The following ADAM12 variants were observed in gnomAD, a reference collection of about 807,000 sequenced individuals.
ADAM12 encodes ADAM metallopeptidase domain 12, also known as disintegrin and metalloproteinase domain-containing protein 12.
Under a neutral mutation model 106.4 loss-of-function variants are expected in ADAM12, and 70 were observed. The ratio of observed to expected loss-of-function variants is 0.66; its 90% CI spans 0.54 to 0.80. The LOEUF (loss-of-function observed/expected upper bound fraction) is 0.80, where lower values mean the gene tolerates loss of function less well. ADAM12 is among the 30% of genes least tolerant of loss of function. The probability of loss-of-function intolerance (pLI) is 0.00; values close to 1 mark genes in which losing one functional copy is unlikely to be tolerated. For missense variants in ADAM12, 1,010 were observed against 1,171.9 expected, an observed-to-expected ratio of 0.86 and a Z score of 2.02; for synonymous variants, 420 against 433.5, an observed-to-expected ratio of 0.97 and a Z score of 0.39.
intron 3 of ADAM12, among the ~76,000 whole-genome samples, chr10:126,229,678 A>G (rs1278749967): frequency 9.0e-6 from 1 of 111,624 alleles, no homozygotes. Flanking sequence ...TATTCTCTTT[A>G]TCTCTCCCGC....
chr10:126,075,624 C>T (rs967649058), intron 11 of ADAM12, among the ~76,000 whole-genome samples: 2 of 152,114 alleles, frequency 1.3e-5, no homozygotes, highest in African/African-American at 4.8e-5. Flanking sequence ...GGAAACCTCA[C>T]CAGTAAGAGG....
intron 3 of ADAM12, among the ~76,000 whole-genome samples, chr10:126,187,742 C>T (rs1459830453): frequency 2.0e-5 from 3 of 152,206 alleles, no homozygotes; most frequent in Non-Finnish European, 4.4e-5. Context: ...GCACAGCACG[C>T]TGGCCACAGT....
At chr10:126,236,741 A>T (rs997090883) in intron 3 of ADAM12, among the ~76,000 whole-genome samples, 9 of 151,882 alleles carry the variant, frequency 5.9e-5, no homozygotes, top group African/African-American at 2.2e-4. Context: ...CACAGGAAGG[A>T]GCACCTACAG....
chr10:126,229,940 C>G (rs1199853770), intron 3 of ADAM12, among the ~76,000 whole-genome samples: 3 of 133,990 alleles, frequency 2.2e-5, no homozygotes, highest in Non-Finnish European at 3.5e-5. Context: ...TGCAGGTGCT[C>G]AACGAGTTGT....
chr10:126,268,732 G>C (rs146119493), intron 3 of ADAM12, among the ~76,000 whole-genome samples: 1 of 152,102 alleles, frequency 6.6e-6, no homozygotes, highest in Non-Finnish European at 1.5e-5. Flanking sequence ...TCAAGATAAC[G>C]AGTTTGAAGT....
chr10:126,028,755 C>T (rs1953922718), intron 21 of ADAM12, among the ~76,000 whole-genome samples: 1 of 152,058 alleles, frequency 6.6e-6, no homozygotes, highest in Admixed American at 6.6e-5. Context: ...GAAAAGATTT[C>T]ATGACAACAT....
intron 3 of ADAM12, among the ~76,000 whole-genome samples, chr10:126,165,384 G>A (rs1054767116): frequency 6.6e-6 from 1 of 152,236 alleles, no homozygotes; most frequent in African/African-American, 2.4e-5. Flanking sequence ...GGCCAGACTG[G>A]TCTTGAACTC....
At chr10:126,282,750 T>G (rs963867320) in intron 2 of ADAM12, among the ~76,000 whole-genome samples, 1 of 152,142 alleles carries the variant, frequency 6.6e-6, no homozygotes, top group Non-Finnish European at 1.5e-5. Context: ...CAACCCTTTT[T>G]GCTCTTAAAA....
chr10:126,022,541 G>T (rs1309727311), intron 21 of ADAM12, among the ~76,000 whole-genome samples: 1 of 152,240 alleles, frequency 6.6e-6, no homozygotes, highest in South Asian at 2.1e-4. Context: ...GCATGGAGGT[G>T]TGGAACCCAT....
rs573283363 is a variant in ADAM12, at chr10:126,147,600, G to A, written c.339+7627C>T. ...GTAAAACTCAGCATCAGCCTGGAAC[G>A]TTTCTCCTCCTGTCCCCTGGTTCAT... On this transcript the variant is annotated intron_variant, in intron 4 of 22. Transcript: ENST00000448723. 7.9e-5 allele frequency among the ~76,000 whole-genome samples: 12 copies of A among 152,266 alleles called. No individual in the cohort carries two copies. The South Asian group carries it at 8.3e-4, about 10-fold the overall frequency.
At chr10:126,114,391 A>G (rs938859151) in intron 6 of ADAM12, among the ~76,000 whole-genome samples, 1 of 152,232 alleles carries the variant, frequency 6.6e-6, no homozygotes, top group Non-Finnish European at 1.5e-5. Context: ...CCACACCTGG[A>G]AAACTGGAGC....
intron 2 of ADAM12, among the ~76,000 whole-genome samples, chr10:126,303,951 T>C (rs1279695648): frequency 1.3e-5 from 2 of 152,220 alleles, no homozygotes; most frequent in Non-Finnish European, 1.5e-5. Flanking sequence ...ATACTATAAA[T>C]TTCACAGTCT....
intron 17 of ADAM12, among the ~76,000 whole-genome samples, chr10:126,044,029 G>C (rs1565007390): frequency 6.6e-6 from 1 of 152,222 alleles, no homozygotes; most frequent in Non-Finnish European, 1.5e-5. Flanking sequence ...TCCCAAGCCT[G>C]TCCATGCTGG....
intron 1 of ADAM12, among the ~76,000 whole-genome samples, chr10:126,365,588 G>A (rs575337591): frequency 2.4e-4 from 36 of 152,266 alleles, no homozygotes; most frequent in Admixed American, 2.1e-3. Context: ...GGTGACGAAA[G>A]CCACCTTCTT....
intron 3 of ADAM12, among the ~76,000 whole-genome samples, chr10:126,271,210 G>A (rs1396176381): frequency 6.6e-6 from 1 of 152,168 alleles, no homozygotes; most frequent in African/African-American, 2.4e-5. Context: ...TCCTTTTCCA[G>A]GGTTCTCTAT....
At chr10:126,222,603 G>A (rs1236630470) in intron 3 of ADAM12, among the ~76,000 whole-genome samples, 2 of 151,732 alleles carry the variant, frequency 1.3e-5, no homozygotes, top group African/African-American at 4.8e-5. Context: ...GGGTCCTTTG[G>A]TGGCTCTGAT....
chr10:126,260,223 C>T (rs1223107792), intron 3 of ADAM12, among the ~76,000 whole-genome samples: 1 of 152,230 alleles, frequency 6.6e-6, no homozygotes, highest in African/African-American at 2.4e-5. Flanking sequence ...GACCGGGAGC[C>T]AGCGCTTCAC....
Position 126,071,397 on chromosome 10 carries a change from C to G in ADAM12, c.1323+80G>C, listed in dbSNP as rs894380805. 8.5e-6 allele frequency: 13 copies of G among 1,528,278 alleles called. No individual in the cohort carries two copies. In the African/African-American group the frequency reaches 9.6e-5, roughly 11 times the overall value. The allele number at this position is 1,528,278 out of a possible 1,614,324, so 94.7% of individuals were successfully genotyped here. A position where few individuals can be genotyped will look rare whatever the true frequency, so the allele number is the denominator to read the frequency against. On this transcript the variant is annotated intron_variant, in intron 12 of 22. Transcript: ENST00000448723. ...GTTCTAGTACTTTCATCTGGCTGTA[C>G]AGTTCCTCCAAGTTCTCTCTTCTTT... is the stretch of plus-strand genomic sequence containing the variant.
chr10:126,198,171 C>T (rs1232851308), intron 3 of ADAM12, among the ~76,000 whole-genome samples: 1 of 152,216 alleles, frequency 6.6e-6, no homozygotes, highest in African/African-American at 2.4e-5. Context: ...TGGAAAGCCC[C>T]CTGTGGGAGG....
Sources: allele counts gnomAD v4.1 joint callset (sites outside exome capture counted in the v4.1 genomes callset), GRCh38; gene constraint gnomAD v4.1.1; transcripts MANE v1.5; gene names NCBI Gene and HGNC (gene_info 2026-07-23, HGNC 2026-07-21).